ATP11A: variants seen among roughly 807,000 people sequenced by gnomAD.
The protein encoded by ATP11A is phospholipid-transporting ATPase IH.
A neutral mutation model predicts 154.4 loss-of-function variants in ATP11A; 81 were observed. That is an observed-to-expected ratio of 0.52 (90% CI 0.44 to 0.63). ATP11A has a LOEUF of 0.63. ATP11A is among the 30% of genes least tolerant of loss of function. ATP11A has a pLI of 0.00. For synonymous variants in ATP11A, 623 were observed against 585.9 expected, an observed-to-expected ratio of 1.06 and a Z score of -0.91; for missense variants, 1,316 against 1,474.3, an observed-to-expected ratio of 0.89 and a Z score of 1.76.
chr13:112,774,366 A>G (rs969261330), intron 1 of ATP11A, among the ~76,000 whole-genome samples: 6 of 152,130 alleles, frequency 3.9e-5, no homozygotes, highest in African/African-American at 9.7e-5. Flanking sequence ...GTTGAGGACC[A>G]TGTCTTCCTG....
At chr13:112,854,608 C>CG in intron 19 of ATP11A, 78 bp downstream of exon 19, 1 of 1,496,380 alleles carries the variant, frequency 6.7e-7, no homozygotes, top group Non-Finnish European at 9.0e-7. Context: ...ACCTGCAAGT[C>CG]GGGGAGCCGC....
chr13:112,854,610 G>GTGAA, intron 19 of ATP11A, 80 bp downstream of exon 19: 1 of 1,496,066 alleles, frequency 6.7e-7, no homozygotes, highest in Middle Eastern at 2.5e-4. Flanking sequence ...CTGCAAGTCG[G>GTGAA]GGAGCCGCAT....
intron 1 of ATP11A, among the ~76,000 whole-genome samples, chr13:112,710,085 G>A (rs1887569983): frequency 6.6e-6 from 1 of 152,322 alleles, no homozygotes; most frequent in Middle Eastern, 3.4e-3. Context: ...CGTGACACCC[G>A]GGTGTCAGGC....
intron 2 of ATP11A, among the ~76,000 whole-genome samples, chr13:112,799,542 T>G (rs894836835): frequency 2.0e-5 from 3 of 152,274 alleles, no homozygotes; most frequent in African/African-American, 7.2e-5. Flanking sequence ...AGACTCATTG[T>G]CCAGGGGGGA....
At chr13:112,867,069 G>A (rs2080358194) in intron 25 of ATP11A, among the ~76,000 whole-genome samples, 1 of 151,904 alleles carries the variant, frequency 6.6e-6, no homozygotes, top group Non-Finnish European at 1.5e-5. Context: ...CCTTAAGAGA[G>A]AACTAAGAGG....
chr13:112,808,792 C>T (rs931994373), intron 4 of ATP11A, among the ~76,000 whole-genome samples: 1 of 152,190 alleles, frequency 6.6e-6, no homozygotes, highest in African/African-American at 2.4e-5. Flanking sequence ...CCTGCCAGAG[C>T]GGCCTTTCCC....
intron 25 of ATP11A, among the ~76,000 whole-genome samples, chr13:112,868,652 T>C (rs1482401081): frequency 6.6e-6 from 1 of 152,224 alleles, no homozygotes; most frequent in Non-Finnish European, 1.5e-5. Flanking sequence ...AGGAGATTGG[T>C]ATCCCAGGGA....
At chr13:112,861,992 T>TCAGGCGTAAGGTGTCACAG (rs59396074) in intron 24 of ATP11A, among the ~76,000 whole-genome samples, 75,121 of 150,562 alleles carry the variant, frequency 0.5, 19,458 homozygotes, top group Middle Eastern at 0.64. Flanking sequence ...AGGTGTCACG[T>TCAGGCGTAAGGTGTCACAG]CAGGCGTAAG....
At chr13:112,871,075 C>T (rs1006985426) in intron 25 of ATP11A, among the ~76,000 whole-genome samples, 2 of 152,206 alleles carry the variant, frequency 1.3e-5, no homozygotes, top group Non-Finnish European at 2.9e-5. Flanking sequence ...TGTCTGCCGG[C>T]TTGTCTTCTC....
At chr13:112,858,001 G>A (rs2079981479) in intron 21 of ATP11A, 81 bp downstream of exon 21, 1 of 1,570,176 alleles carries the variant, frequency 6.4e-7, no homozygotes, top group South Asian at 1.1e-5. Context: ...CAGCACGCAG[G>A]TGCATTCAGG....
At chr13:112,812,389 C>T (rs539575034) in intron 5 of ATP11A, among the ~76,000 whole-genome samples, 12 of 152,350 alleles carry the variant, frequency 7.9e-5, no homozygotes, top group Admixed American at 2.0e-4. Flanking sequence ...TGCAGCCCCA[C>T]TGCCTCCCTG....
At chr13:112,776,460 G>C (rs2077351764) in intron 1 of ATP11A, among the ~76,000 whole-genome samples, 1 of 152,222 alleles carries the variant, frequency 6.6e-6, no homozygotes, top group Admixed American at 6.5e-5. Flanking sequence ...TCTATGCTGC[G>C]TGACACTGAA....
chr13:112,864,741 G>A (rs1181386709), intron 25 of ATP11A, among the ~76,000 whole-genome samples: 2 of 66,628 alleles, frequency 3.0e-5, no homozygotes, highest in Non-Finnish European at 4.9e-5. Context: ...GCTTCCCAGC[G>A]GGGTCCATCA....
intron 1 of ATP11A, among the ~76,000 whole-genome samples, chr13:112,707,466 C>T (rs1887276915): frequency 6.6e-6 from 1 of 151,314 alleles, no homozygotes; most frequent in South Asian, 2.1e-4. Flanking sequence ...AGACGAGGGC[C>T]TTGAAGGTGA....
intron 13 of ATP11A, 108 bp downstream of exon 13, chr13:112,831,656 AC>A: frequency 7.6e-7 from 1 of 1,318,878 alleles, no homozygotes; most frequent in Non-Finnish European, 1.0e-6. Flanking sequence ...GGCCCTCTCT[AC>A]GGACTTCAGT....
intron 1 of ATP11A, among the ~76,000 whole-genome samples, chr13:112,693,274 G>A (rs905268261): frequency 6.6e-6 from 1 of 152,180 alleles, no homozygotes; most frequent in Non-Finnish European, 1.5e-5. Context: ...ACCATGAGGA[G>A]TGCTTGTGCT....
At chr13:112,731,163 G>C (rs180831500) in intron 1 of ATP11A, among the ~76,000 whole-genome samples, 1 of 152,018 alleles carries the variant, frequency 6.6e-6, no homozygotes, top group Admixed American at 6.5e-5. Context: ...TGGAACTCCT[G>C]ACCTCCAGTG....
At chr13:112,710,180 C>T (rs1470638991) in intron 1 of ATP11A, among the ~76,000 whole-genome samples, 1 of 152,228 alleles carries the variant, frequency 6.6e-6, no homozygotes, top group Admixed American at 6.5e-5. Context: ...ATGTGGTCCT[C>T]CCTCTTTGCA....
chr13:112,774,890 G>C (rs540742050), intron 1 of ATP11A, among the ~76,000 whole-genome samples: 1 of 152,236 alleles, frequency 6.6e-6, no homozygotes, highest in Non-Finnish European at 1.5e-5. Flanking sequence ...CGTCGTTGGC[G>C]TGCGAGGCTG....
Sources: allele counts gnomAD v4.1 joint callset (sites outside exome capture counted in the v4.1 genomes callset), GRCh38; gene constraint gnomAD v4.1.1; transcripts MANE v1.5; gene names NCBI Gene and HGNC (gene_info 2026-07-23, HGNC 2026-07-21).